B3GLCT: variants seen among roughly 807,000 people sequenced by gnomAD.
B3GLCT encodes beta 3-glucosyltransferase, also known as beta-1,3-glucosyltransferase.
A neutral mutation model predicts 63.4 loss-of-function variants in B3GLCT; 65 were observed. The ratio of observed to expected loss-of-function variants is 1.03; its 90% CI spans 0.84 to 1.26. The LOEUF (loss-of-function observed/expected upper bound fraction) is 1.26, where lower values mean the gene tolerates loss of function less well. Among genes scored for constraint, B3GLCT ranks in the 50% most tolerant of loss-of-function variants. The probability of loss-of-function intolerance (pLI) is 0.00; values close to 1 mark genes in which losing one functional copy is unlikely to be tolerated. For missense variants in B3GLCT, 577 were observed against 604.8 expected (o/e 0.95, Z 0.48); for synonymous variants, 233 against 219.2 (o/e 1.06, Z -0.55).
rs771349026 is a variant in B3GLCT at position 31,229,211 on chromosome 13, C to T, written c.187C>T (p.Gln63Ter). The change falls in exon 4 of 15, where the codon CAG becomes TAG. Residue 63 changes from glutamine to a stop codon, truncating the protein, a stop_gained. Coordinates refer to ENST00000343307, the MANE Select transcript of B3GLCT (RefSeq NM_194318.4). LOFTEE classifies it high-confidence loss of function. Reference protein sequence around the residue: ...IDLKGIVFVIQSQSNSFHAKR... With the variant: ...IDLKGIVFVI Reference sequence around the variant, plus strand: ...CTTAAAAGGAATTGTATTCGTCATCCAGAGTCAAAGTAATTCTTTTCATGC... The same window carrying T: ...CTTAAAAGGAATTGTATTCGTCATCTAGAGTCAAAGTAATTCTTTTCATGC... 6.2e-7 allele frequency: 1 copy of T among 1,611,208 alleles called. No homozygotes were observed. The highest frequency in any genetic ancestry group is 2.2e-5 in the East Asian group (1 of 44,860).
At chr13:31,222,074 ATTTTTTTT>A (rs5802597) in intron 2 of B3GLCT, among the ~76,000 whole-genome samples, 6 of 92,956 alleles carry the variant, frequency 6.5e-5, no homozygotes, top group Admixed American at 2.4e-4. Context: ...TGTGCTCCTG[ATTTTTTTT>A]TTTTTTTTTT....
In B3GLCT at chr13:31,270,346, T is replaced by C. The variant is rs185310423; in HGVS notation, c.660+1069T>C. Among the ~76,000 whole-genome samples, 323 of 152,318 alleles carry C rather than the reference T, an allele frequency of 2.1e-3. 1 individual carries two copies. Among genetic ancestry groups the C allele is most frequent in the African/African-American group, 7.3e-3 (302 of 41,566 alleles). On this transcript the variant is annotated intron_variant, in intron 8 of 14. Coordinates refer to ENST00000343307, the MANE Select transcript of B3GLCT (RefSeq NM_194318.4). ...ACAAGACTTTCTGACTTCTCAGCTG[T>C]CTTTAAATGGTAATACAGAATATTT...
chr13:31,321,782 C>G (rs1941692317), intron 13 of B3GLCT, among the ~76,000 whole-genome samples: 1 of 152,164 alleles, frequency 6.6e-6, no homozygotes, highest in South Asian at 2.1e-4. Flanking sequence ...CTGTTTTTCA[C>G]TTTGTTGCTT....
intron 11 of B3GLCT, 60 bp downstream of exon 11, chr13:31,284,821 ATTAGG>A (rs962778424): frequency 7.0e-6 from 7 of 993,482 alleles, no homozygotes; most frequent in South Asian, 2.6e-5. Context: ...AATACAGTAA[ATTAGG>A]TTAGGATAAA....
At chr13:31,329,044 C>G (rs944739585) in intron 14 of B3GLCT, among the ~76,000 whole-genome samples, 1 of 152,164 alleles carries the variant, frequency 6.6e-6, no homozygotes, top group Non-Finnish European at 1.5e-5. Context: ...AATGACATCA[C>G]CTAATTACAC....
At chr13:31,259,280 C>T (rs983147989) in intron 6 of B3GLCT, among the ~76,000 whole-genome samples, 10 of 152,110 alleles carry the variant, frequency 6.6e-5, no homozygotes, top group African/African-American at 2.4e-4. Flanking sequence ...TTGTTTCTTG[C>T]TCTGCTGGGT....
intron 6 of B3GLCT, among the ~76,000 whole-genome samples, chr13:31,257,184 CTG>C (rs1002663729): frequency 6.6e-6 from 1 of 152,036 alleles, no homozygotes; most frequent in South Asian, 2.1e-4. Context: ...TTCCATAAAA[CTG>C]TATTTGCAAC....
chr13:31,276,589 T>G, intron 9 of B3GLCT, 113 bp from the exon 10 acceptor site: 1 of 736,632 alleles, frequency 1.4e-6, no homozygotes. Context: ...CGGAAATATG[T>G]TTGGTATCCT....
intron 2 of B3GLCT, among the ~76,000 whole-genome samples, chr13:31,221,549 C>T (rs907456969): frequency 1.3e-5 from 2 of 152,206 alleles, no homozygotes; most frequent in Non-Finnish European, 1.5e-5. Context: ...GTTAACAAAT[C>T]AGCATATAAC....
intron 4 of B3GLCT, among the ~76,000 whole-genome samples, chr13:31,236,540 T>C (rs1372313780): frequency 6.6e-6 from 1 of 152,212 alleles, no homozygotes; most frequent in Non-Finnish European, 1.5e-5. Flanking sequence ...AAGCTTCCCT[T>C]TAATTATACG....
At chr13:31,246,215 T>TG (rs1021573446) in intron 4 of B3GLCT, among the ~76,000 whole-genome samples, 1 of 152,190 alleles carries the variant, frequency 6.6e-6, no homozygotes, top group African/African-American at 2.4e-5. Context: ...TAAAGTTTGT[T>TG]GGGGGAGGAG....
At chr13:31,299,934 G>T (rs1048664807) in intron 12 of B3GLCT, among the ~76,000 whole-genome samples, 14 of 152,158 alleles carry the variant, frequency 9.2e-5, no homozygotes, top group African/African-American at 3.4e-4. Context: ...CTGCCTATGA[G>T]TTAGTAAAAT....
Position 31,297,894 on chromosome 13 carries a change from G to A in B3GLCT, c.1064+11075G>A, listed in dbSNP as rs899080302. On this transcript the variant is annotated intron_variant, in intron 12 of 14. Transcript: ENST00000343307. ...AGATACAGATGAAGAGATGTGTAGG[G>A]TGAGGTATGAGAGAAGGGGTGTGGA... Among the ~76,000 whole-genome samples, 10 of 152,224 alleles carry A rather than the reference G, an allele frequency of 6.6e-5. No homozygotes were observed. In the East Asian group the frequency reaches 1.7e-3, roughly 26 times the overall value.
rs192107845 is a variant in B3GLCT, at chr13:31,209,571, A to T, written c.71-5480A>T. Among the ~76,000 whole-genome samples, 149 of 152,182 alleles carry T rather than the reference A, an allele frequency of 9.8e-4. 2 individuals carry two copies. Among genetic ancestry groups the T allele is most frequent in the African/African-American group, 3.4e-3 (140 of 41,520 alleles). ...CGCCTGAGCCATGTGTGCTTCCAAG[A>T]CGGCTCTCTGTGAGCTTTGGCCTGG... is the stretch of plus-strand genomic sequence containing the variant. On this transcript the variant is annotated intron_variant, in intron 1 of 14. Coordinates refer to ENST00000343307, the MANE Select transcript of B3GLCT (RefSeq NM_194318.4).
At chr13:31,290,413 G>T (rs1177795897) in intron 12 of B3GLCT, among the ~76,000 whole-genome samples, 1 of 152,150 alleles carries the variant, frequency 6.6e-6, no homozygotes, top group Admixed American at 6.5e-5. Flanking sequence ...GGTATTTCTA[G>T]TTCTAGATCC....
chr13:31,200,577 G>C (rs1408135520), intron 1 of B3GLCT, among the ~76,000 whole-genome samples: 1 of 151,096 alleles, frequency 6.6e-6, no homozygotes, highest in Non-Finnish European at 1.5e-5. Flanking sequence ...CCTGCCTTCC[G>C]CCCGCGCTCC....
At chr13:31,204,676 G>C (rs908510282) in intron 1 of B3GLCT, among the ~76,000 whole-genome samples, 1 of 152,150 alleles carries the variant, frequency 6.6e-6, no homozygotes, top group African/African-American at 2.4e-5. Flanking sequence ...TGATATGGCT[G>C]CCGTTTCCTG....
chr13:31,300,080 A>T (rs575261585), intron 12 of B3GLCT, among the ~76,000 whole-genome samples: 1 of 152,220 alleles, frequency 6.6e-6, no homozygotes, highest in African/African-American at 2.4e-5. Context: ...GATGGTATTC[A>T]TTTACCCTGG....
chr13:31,251,589 G>A (rs779205649), intron 6 of B3GLCT, among the ~76,000 whole-genome samples: 13 of 152,228 alleles, frequency 8.5e-5, no homozygotes, highest in Admixed American at 2.0e-4. Flanking sequence ...ACCAATAGCC[G>A]AATCGATCAA....
Sources: gnomAD v4.1 joint callset for allele counts (sites outside exome capture counted in the v4.1 genomes callset) on GRCh38, gnomAD v4.1.1 for gene constraint, MANE v1.5 for transcripts, NCBI Gene and HGNC (gene_info 2026-07-23, HGNC 2026-07-21) for gene names.